CACNA2D1: variants seen among roughly 807,000 people sequenced by gnomAD.
CACNA2D1 encodes calcium voltage-gated channel auxiliary subunit alpha2delta 1, also known as voltage-dependent calcium channel subunit alpha-2/delta-1.
Under a neutral mutation model 171.5 loss-of-function variants are expected in CACNA2D1, and 53 were observed. The ratio of observed to expected loss-of-function variants is 0.31; its 90% CI spans 0.25 to 0.39. CACNA2D1 has a LOEUF of 0.39. CACNA2D1 is among the 10% of genes least tolerant of loss of function. The pLI, the probability that CACNA2D1 is intolerant of heterozygous loss-of-function variation, is 1.00. For missense variants in CACNA2D1, 903 were observed against 1,299.8 expected, an observed-to-expected ratio of 0.69 and a Z score of 4.69; for synonymous variants, 442 against 443.1, an observed-to-expected ratio of 1.00 and a Z score of 0.03.
chr7:82,301,275 C>T (rs1463177547), intron 3 of CACNA2D1, among the ~76,000 whole-genome samples: 5 of 151,906 alleles, frequency 3.3e-5, no homozygotes, highest in African/African-American at 1.2e-4. Flanking sequence ...TACAGGCATG[C>T]GCCACCACAC....
chr7:82,046,346 T>C (rs568583350), intron 10 of CACNA2D1, among the ~76,000 whole-genome samples: 2 of 152,312 alleles, frequency 1.3e-5, no homozygotes, highest in East Asian at 3.9e-4. Context: ...TCTTCACTAA[T>C]GACACTCATG....
intron 1 of CACNA2D1, among the ~76,000 whole-genome samples, chr7:82,424,253 A>G (rs1248452481): frequency 2.0e-5 from 3 of 152,174 alleles, no homozygotes; most frequent in Non-Finnish European, 2.9e-5. Context: ...GCACAGGCTG[A>G]GCAGGGAAGC....
intron 3 of CACNA2D1, among the ~76,000 whole-genome samples, chr7:82,251,258 C>T (rs947378020): frequency 3.3e-5 from 5 of 152,094 alleles, no homozygotes; most frequent in Non-Finnish European, 5.9e-5. Flanking sequence ...TTCACTACCA[C>T]CTAAAATAGG....
At chr7:82,025,451 A>G (rs1426318062) in intron 12 of CACNA2D1, among the ~76,000 whole-genome samples, 3 of 151,622 alleles carry the variant, frequency 2.0e-5, no homozygotes, top group Admixed American at 6.6e-5. Context: ...CCTTTCAGGT[A>G]GTTAGTTGTT....
intron 1 of CACNA2D1, among the ~76,000 whole-genome samples, chr7:82,416,046 C>G (rs539057188): frequency 6.6e-6 from 1 of 151,866 alleles, no homozygotes; most frequent in African/African-American, 2.4e-5. Context: ...GAAACCTCAT[C>G]TCTACTAAAA....
At chr7:82,025,627 T>C (rs964622475) in intron 12 of CACNA2D1, among the ~76,000 whole-genome samples, 1 of 151,708 alleles carries the variant, frequency 6.6e-6, no homozygotes, top group Non-Finnish European at 1.5e-5. Flanking sequence ...TACTAATTTC[T>C]AGTTTCACTC....
Position 82,106,718 on chromosome 7 carries a change from T to C in CACNA2D1, c.526+10326A>G, listed in dbSNP as rs79432839. Among the ~76,000 whole-genome samples, 284 of 152,266 alleles carry C rather than the reference T, an allele frequency of 1.9e-3. 1 individual carries two copies. The highest frequency in any genetic ancestry group is 6.5e-3 in the African/African-American group (270 of 41,554). On this transcript the variant is annotated intron_variant, in intron 6 of 38. Coordinates refer to ENST00000356860, the MANE Select transcript of CACNA2D1 (RefSeq NM_000722.4). ...AAATGGAAATGAAGAAAATCTAGTATTGTAAAATACTTGAGCTCCTTCTTA... is the reference window on the plus strand; with the variant it reads ...AAATGGAAATGAAGAAAATCTAGTACTGTAAAATACTTGAGCTCCTTCTTA...
At chr7:82,023,730 T>C (rs1801541312) in intron 12 of CACNA2D1, 1 of 151,790 alleles carries the variant, frequency 6.6e-6, no homozygotes, top group Admixed American at 6.6e-5. Flanking sequence ...GTATTACGGC[T>C]GATTCTAAGT....
intron 3 of CACNA2D1, among the ~76,000 whole-genome samples, chr7:82,288,705 A>T (rs925211505): frequency 2.0e-4 from 30 of 152,180 alleles, no homozygotes; most frequent in African/African-American, 7.0e-4. Flanking sequence ...CCACCTGACA[A>T]CTGGGACCCA....
At chr7:82,422,632 C>T (rs1210483655) in intron 1 of CACNA2D1, among the ~76,000 whole-genome samples, 1 of 152,042 alleles carries the variant, frequency 6.6e-6, no homozygotes, top group Non-Finnish European at 1.5e-5. Context: ...TAGTTTATCT[C>T]AACAGTCTGG....
chr7:82,067,900 C>T (rs535514126), intron 7 of CACNA2D1, among the ~76,000 whole-genome samples: 1 of 152,278 alleles, frequency 6.6e-6, no homozygotes, highest in South Asian at 2.1e-4. Flanking sequence ...GCTGATAATA[C>T]ATTTCCTGCC....
chr7:81,982,891 A>T (rs1796583433), intron 23 of CACNA2D1: 1 of 553,192 alleles, frequency 1.8e-6, no homozygotes, highest in African/African-American at 1.9e-5. Context: ...TTCTGATCTA[A>T]CCCTACTATA....
chr7:82,297,185 A>T (rs114089004), intron 3 of CACNA2D1, among the ~76,000 whole-genome samples: 2 of 151,764 alleles, frequency 1.3e-5, no homozygotes, highest in African/African-American at 4.8e-5. Context: ...CAGGAGGCTG[A>T]GGCTGCAGTG....
intron 35 of CACNA2D1, among the ~76,000 whole-genome samples, 171 bp from the exon 36 acceptor site, chr7:81,962,194 C>T (rs915070951): frequency 1.3e-5 from 2 of 151,776 alleles, no homozygotes; most frequent in African/African-American, 2.4e-5. Context: ...TAATAGATGC[C>T]TGATAAATAT....
intron 3 of CACNA2D1, among the ~76,000 whole-genome samples, chr7:82,307,484 A>G (rs1379768124): frequency 6.6e-6 from 1 of 150,582 alleles, no homozygotes; most frequent in Admixed American, 6.6e-5. Context: ...ATAAATAACT[A>G]TATAATTTAT....
rs186831130 is a variant in CACNA2D1 at position 82,391,341 on chromosome 7, C to T, written c.96-41692G>A. On this transcript the variant is annotated intron_variant, in intron 1 of 38. Transcript: ENST00000356860. ...AAAGGAAATTCCTCATAATTTCTAA[C>T]AGTAGATTGATTATGACTGGCAAAC... 1.1e-3 allele frequency among the ~76,000 whole-genome samples: 168 copies of T among 152,288 alleles called. 1 individual carries two copies. The highest frequency in any genetic ancestry group is 1.9e-4 in the East Asian group (1 of 5,180).
At chr7:82,014,311 C>A (rs549764955) in intron 13 of CACNA2D1, 90 bp downstream of exon 13, 1 of 736,976 alleles carries the variant, frequency 1.4e-6, no homozygotes. Context: ...AAGTTAGCTA[C>A]AATTTTAGCT....
intron 3 of CACNA2D1, among the ~76,000 whole-genome samples, chr7:82,248,042 TG>T (rs1327980060): frequency 1.3e-5 from 2 of 152,160 alleles, no homozygotes; most frequent in East Asian, 1.9e-4. Flanking sequence ...TTTAAAACAC[TG>T]GGCATGCCAA....
At position 82,341,800 on chromosome 7, in the gene CACNA2D1, CA is replaced by C. The variant is rs751344824; in HGVS notation, c.178-6550del. Among the ~76,000 whole-genome samples the C allele has an allele frequency of 1.3e-4, 20 of 152,076 alleles. No individual in the cohort carries two copies. The East Asian group carries it at 3.7e-3, about 28-fold the overall frequency. ...CGGTGGCTCACGCCTGTAATCCTAG[CA>C]CTTTGGGAGGCCGAGGTGGGCGGAT... On this transcript the variant is annotated intron_variant, in intron 2 of 38. Transcript: ENST00000356860.
Sources: gnomAD v4.1 joint callset for allele counts (sites outside exome capture counted in the v4.1 genomes callset) on GRCh38, gnomAD v4.1.1 for gene constraint, MANE v1.5 for transcripts, NCBI Gene and HGNC (gene_info 2026-07-23, HGNC 2026-07-21) for gene names.